TNR: variants seen among roughly 807,000 people sequenced by gnomAD.
TNR encodes the protein tenascin-R.
TNR carries 45 observed loss-of-function variants against 150.4 expected under a neutral mutation model. The ratio of observed to expected loss-of-function variants is 0.30; its 90% CI spans 0.24 to 0.38. The LOEUF is 0.38. TNR is among the 10% of genes least tolerant of loss of function. TNR has a pLI of 1.00. For missense variants in TNR, 1,544 were observed against 1,759.1 expected (o/e 0.88, Z 2.19); for synonymous variants, 687 against 678.4 (o/e 1.01, Z -0.20).
In TNR at chr1:175,391,385, G is replaced by A. The variant is rs1653160846; in HGVS notation, c.1410C>T (p.Asn470=). 1.2e-6 allele frequency: 2 copies of A among 1,614,072 alleles called. No individual in the cohort carries two copies. The highest frequency in any genetic ancestry group is 2.7e-5 in the African/African-American group (2 of 74,924). The change falls in exon 7 of 23, where the codon AAC becomes AAT. Residue 470 remains asparagine (N), a synonymous_variant. Coordinates refer to ENST00000367674, the MANE Select transcript of TNR (RefSeq NM_003285.3). ...AQVPSDVTSF[N]QTGLKPGEEY... ...CCTCCCCAGGCTTTAGTCCTGTCTG[G>A]TTAAAGGACGTAACATCGCTGGGGA...
At chr1:175,627,953 G>A (rs1052257165) in intron 1 of TNR, among the ~76,000 whole-genome samples, 9 of 152,124 alleles carry the variant, frequency 5.9e-5, no homozygotes, top group African/African-American at 1.9e-4. Context: ...CCCAATCCAC[G>A]ATAGTCAGAA....
chr1:175,452,073 G>A (rs1468979782), intron 2 of TNR, among the ~76,000 whole-genome samples: 1 of 152,232 alleles, frequency 6.6e-6, no homozygotes. Context: ...GGAAGCAGAA[G>A]TTAGCAGCTG....
At chr1:175,641,845 T>A (rs1664671850) in intron 1 of TNR, among the ~76,000 whole-genome samples, 1 of 152,104 alleles carries the variant, frequency 6.6e-6, no homozygotes, top group African/African-American at 2.4e-5. Context: ...AATAAATGAG[T>A]TATCCGAGGT....
At chr1:175,499,943 A>AT (rs1439858450) in intron 2 of TNR, among the ~76,000 whole-genome samples, 5 of 152,222 alleles carry the variant, frequency 3.3e-5, no homozygotes, top group African/African-American at 9.6e-5. Flanking sequence ...ATATCTGAAA[A>AT]TGAAAGTACC....
At chr1:175,336,584 G>A (rs909945609) in intron 19 of TNR, among the ~76,000 whole-genome samples, 2 of 152,194 alleles carry the variant, frequency 1.3e-5, no homozygotes, top group Non-Finnish European at 2.9e-5. Flanking sequence ...TGCTCCGACC[G>A]GCTTGCATTA....
In TNR at chr1:175,324,525, A is replaced by G; in HGVS notation, c.3794-6T>C. 6.2e-7 allele frequency: 1 copy of G among 1,613,180 alleles called. No individual in the cohort carries two copies. The highest frequency in any genetic ancestry group is 8.5e-7 in the Non-Finnish European group (1 of 1,179,502). ...ATGATAGCTGAGGGAGTCCCCTGCAAAAAAGATACATTCATTAGGCTGTCC... is the reference window on the plus strand; with the variant it reads ...ATGATAGCTGAGGGAGTCCCCTGCAGAAAAGATACATTCATTAGGCTGTCC... On this transcript the variant is annotated splice_region_variant and splice_polypyrimidine_tract_variant and intron_variant, in intron 21 of 22. Coordinates refer to ENST00000367674, the MANE Select transcript of TNR (RefSeq NM_003285.3).
chr1:175,561,299 C>G (rs2102210232), intron 1 of TNR, among the ~76,000 whole-genome samples: 1 of 152,318 alleles, frequency 6.6e-6, no homozygotes, highest in East Asian at 1.9e-4. Context: ...TCTCTCCTAT[C>G]TCTTCAGAAA....
chr1:175,542,497 T>C (rs1660542613), intron 1 of TNR, among the ~76,000 whole-genome samples: 1 of 152,194 alleles, frequency 6.6e-6, no homozygotes, highest in Admixed American at 6.5e-5. Flanking sequence ...AACAAATGAG[T>C]GAGTTCTCCA....
At chr1:175,674,847 TC>T (rs1665812833) in intron 1 of TNR, among the ~76,000 whole-genome samples, 1 of 152,152 alleles carries the variant, frequency 6.6e-6, no homozygotes, top group Admixed American at 6.5e-5. Context: ...AGAAAACCTG[TC>T]CTGCTGTGAT....
At chr1:175,372,110 CCT>C (rs1652134747) in intron 9 of TNR, among the ~76,000 whole-genome samples, 1 of 151,842 alleles carries the variant, frequency 6.6e-6, no homozygotes, top group African/African-American at 2.4e-5. Flanking sequence ...ACCCTTGCTC[CCT>C]CTCTCATTGT....
chr1:175,327,991 C>T (rs1156799924), intron 21 of TNR, among the ~76,000 whole-genome samples: 1 of 152,108 alleles, frequency 6.6e-6, no homozygotes, highest in Non-Finnish European at 1.5e-5. Context: ...GTCTGTAATC[C>T]CAGCTACTCA....
At chr1:175,699,177 T>C (rs1666614877) in intron 1 of TNR, among the ~76,000 whole-genome samples, 1 of 151,780 alleles carries the variant, frequency 6.6e-6, no homozygotes, top group Non-Finnish European at 1.5e-5. Flanking sequence ...AAGGGAAGAA[T>C]CCAGGCTGAC....
At chr1:175,479,475 C>T (rs547736842) in intron 2 of TNR, among the ~76,000 whole-genome samples, 2 of 152,264 alleles carry the variant, frequency 1.3e-5, no homozygotes, top group East Asian at 3.9e-4. Context: ...GTAGACTTCA[C>T]CTTGTTCTCC....
chr1:175,587,249 T>C (rs538410641), intron 1 of TNR, among the ~76,000 whole-genome samples: 2 of 152,300 alleles, frequency 1.3e-5, no homozygotes, highest in African/African-American at 4.8e-5. Flanking sequence ...TAGGTCCTGA[T>C]TGTTAATAAA....
chr1:175,606,186 G>A (rs886524663), intron 1 of TNR, among the ~76,000 whole-genome samples: 3 of 152,178 alleles, frequency 2.0e-5, no homozygotes, highest in East Asian at 1.9e-4. Context: ...TTCTTCAGGC[G>A]CCAAGGTTTC....
chr1:175,716,226 G>A (rs1667151862), intron 1 of TNR, among the ~76,000 whole-genome samples: 1 of 152,076 alleles, frequency 6.6e-6, no homozygotes, highest in Non-Finnish European at 1.5e-5. Context: ...CCACTTTTAG[G>A]AAGATGAGTC....
intron 2 of TNR, among the ~76,000 whole-genome samples, chr1:175,480,458 A>AAAGAAAGAAAGAAAGAAAGAG (rs1557959794): frequency 2.1e-5 from 3 of 143,750 alleles, no homozygotes; most frequent in African/African-American, 8.0e-5. Flanking sequence ...AGAAAGAAAG[A>AAAGAAAGAAAGAAAGAAAGAG]AAAGAAAAAA....
chr1:175,619,254 A>G (rs976359531), intron 1 of TNR, among the ~76,000 whole-genome samples: 2 of 152,210 alleles, frequency 1.3e-5, no homozygotes, highest in African/African-American at 4.8e-5. Flanking sequence ...ATGGACCATG[A>G]GAGCATTGTC....
At chr1:175,637,338 T>C (rs1424783652) in intron 1 of TNR, among the ~76,000 whole-genome samples, 1 of 152,218 alleles carries the variant, frequency 6.6e-6, no homozygotes, top group Non-Finnish European at 1.5e-5. Context: ...ATAATGAAAG[T>C]AGAGATAACA....
Sources: gnomAD v4.1 joint callset for allele counts (sites outside exome capture counted in the v4.1 genomes callset) on GRCh38, gnomAD v4.1.1 for gene constraint, MANE v1.5 for transcripts, NCBI Gene and HGNC (gene_info 2026-07-23, HGNC 2026-07-21) for gene names.